SLC22A23: variants seen among roughly 807,000 people sequenced by gnomAD.
The protein encoded by SLC22A23 is solute carrier family 22 member 23.
SLC22A23 carries 26 observed loss-of-function variants against 61.0 expected under a neutral mutation model. That is an observed-to-expected ratio of 0.43 (90% CI 0.31 to 0.59). The LOEUF (loss-of-function observed/expected upper bound fraction) is 0.59, where lower values mean the gene tolerates loss of function less well. SLC22A23 is among the 20% of genes least tolerant of loss of function. The pLI, the probability that SLC22A23 is intolerant of heterozygous loss-of-function variation, is 0.11. For missense variants in SLC22A23, 796 were observed against 934.7 expected, an observed-to-expected ratio of 0.85 and a Z score of 1.94; for synonymous variants, 430 against 413.9, an observed-to-expected ratio of 1.04 and a Z score of -0.47.
intron 3 of SLC22A23, among the ~76,000 whole-genome samples, chr6:3,384,695 A>G (rs1334478454): frequency 6.6e-6 from 1 of 152,242 alleles, no homozygotes; most frequent in East Asian, 1.9e-4. Flanking sequence ...CCTCCAAAGA[A>G]CACAGTGATT....
chr6:3,402,568 T>A (rs545018767), intron 3 of SLC22A23, among the ~76,000 whole-genome samples: 22 of 148,032 alleles, frequency 1.5e-4, no homozygotes, highest in African/African-American at 5.6e-4. Context: ...TCATCCACAC[T>A]ACCCAGAGTG....
chr6:3,436,077 G>A (rs992994438), intron 1 of SLC22A23, among the ~76,000 whole-genome samples: 6 of 152,126 alleles, frequency 3.9e-5, no homozygotes, highest in African/African-American at 1.4e-4. Context: ...AGCCAGGGCA[G>A]AGGATGACCT....
intron 3 of SLC22A23, among the ~76,000 whole-genome samples, chr6:3,366,332 C>CAAAAAAAAAA (rs11387672): frequency 4.0e-4 from 30 of 74,156 alleles, no homozygotes; most frequent in African/African-American, 9.4e-4. Flanking sequence ...GACTCTGTCT[C>CAAAAAAAAAA]AAAAAAAAAA....
rs1157692865 is a variant in SLC22A23 at position 3,329,004 on chromosome 6, C to T, written c.914-5002G>A. Among the ~76,000 whole-genome samples the T allele has an allele frequency of 2.0e-5, 3 of 152,154 alleles. No individual in the cohort carries two copies. The highest frequency in any genetic ancestry group is 2.9e-5 in the Non-Finnish European group (2 of 68,028). On this transcript the variant is annotated intron_variant, in intron 3 of 9. Transcript: ENST00000406686. This position sits in a 1 kb window ranked among gnomAD's most constrained non-coding sequence, Gnocchi z 4.8. ...CAGGGCACTGCCAAGCTCAAGGGAC[C>T]GTCTGTCAAAACACTGCAGCACCCA... is the stretch of plus-strand genomic sequence containing the variant.
At chr6:3,416,158 G>A (rs1019428375) in intron 1 of SLC22A23, among the ~76,000 whole-genome samples, 1 of 152,260 alleles carries the variant, frequency 6.6e-6, no homozygotes, top group Non-Finnish European at 1.5e-5. Flanking sequence ...AACTGAGGCA[G>A]AGGTGGGCAG....
Position 3,448,276 on chromosome 6 carries a change from A to G in SLC22A23, c.654+7630T>C, listed in dbSNP as rs917067337. Among the ~76,000 whole-genome samples the G allele has an allele frequency of 6.6e-5, 10 of 152,020 alleles. No individual in the cohort carries two copies. In the East Asian group the frequency reaches 1.2e-3, roughly 18 times the overall value. On this transcript the variant is annotated intron_variant, in intron 1 of 9. Coordinates refer to ENST00000406686, the MANE Select transcript of SLC22A23 (RefSeq NM_015482.2). ...ATGTTTAACAACCGGCTCTATGAAG[A>G]AAAAAAACCCTGATCTCCACTGTTT...
At chr6:3,377,386 C>T (rs1766646196) in intron 3 of SLC22A23, among the ~76,000 whole-genome samples, 1 of 152,104 alleles carries the variant, frequency 6.6e-6, no homozygotes, top group Non-Finnish European at 1.5e-5. Context: ...AGAGGGAACA[C>T]TGGATGGAAA....
At chr6:3,435,056 G>T (rs1189012320) in intron 1 of SLC22A23, among the ~76,000 whole-genome samples, 3 of 152,154 alleles carry the variant, frequency 2.0e-5, no homozygotes, top group Non-Finnish European at 2.9e-5. Context: ...AAGGGTGCTG[G>T]AAGCGGCTGC....
chr6:3,356,733 A>G (rs567743112), intron 3 of SLC22A23, among the ~76,000 whole-genome samples: 2 of 152,316 alleles, frequency 1.3e-5, no homozygotes, highest in South Asian at 4.1e-4. Flanking sequence ...AACCTGCCCA[A>G]GATACCAACA....
Position 3,297,986 on chromosome 6 carries a change from T to C in SLC22A23, c.1210+105A>G, listed in dbSNP as rs988212447. The C allele has an allele frequency of 1.5e-6, 2 of 1,329,928 alleles. No homozygotes were observed. The highest frequency in any genetic ancestry group is 5.9e-5 in the Admixed American group (2 of 33,704). The allele number at this position is 1,329,928 out of a possible 1,614,324, so 82.4% of individuals were successfully genotyped here. On this transcript the variant is annotated intron_variant, in intron 5 of 9. Transcript: ENST00000406686. The surrounding 1 kb of genome is among the most constrained non-coding windows in gnomAD (Gnocchi z 4.3). Reference sequence around the variant, plus strand: ...GCAGGCCAAAAGGTCACAGGAGAATTGCACAGCTGGTTAAAACAGCTGTTT... The same window carrying C: ...GCAGGCCAAAAGGTCACAGGAGAATCGCACAGCTGGTTAAAACAGCTGTTT...
Position 3,414,142 on chromosome 6 carries a change from A to C in SLC22A23, c.758+1610T>G, listed in dbSNP as rs1299112906. On this transcript the variant is annotated intron_variant, in intron 2 of 9. Coordinates refer to ENST00000406686, the MANE Select transcript of SLC22A23 (RefSeq NM_015482.2). The surrounding 1 kb of genome is among the most constrained non-coding windows in gnomAD (Gnocchi z 5.1). ...CAGACTGGTTCATTCATAAAAGTCG[A>C]TTTTTACTTTTCTATTAAATTATTT... 2.0e-5 allele frequency among the ~76,000 whole-genome samples: 3 copies of C among 152,206 alleles called. No homozygotes were observed. Among genetic ancestry groups the C allele is most frequent in the Non-Finnish European group, 4.4e-5 (3 of 68,034 alleles).
intron 9 of SLC22A23, among the ~76,000 whole-genome samples, chr6:3,274,541 A>C (rs993036075): frequency 7.2e-5 from 11 of 152,220 alleles, no homozygotes; most frequent in African/African-American, 2.7e-4. Context: ...GTGGGCTGAA[A>C]GGGAGGTCCC....
intron 3 of SLC22A23, among the ~76,000 whole-genome samples, chr6:3,397,088 C>T (rs898165906): frequency 7.9e-5 from 12 of 152,180 alleles, no homozygotes; most frequent in Non-Finnish European, 1.6e-4. Flanking sequence ...ACAGCCTGTC[C>T]GCTTTATGCT....
chr6:3,392,035 G>A (rs1241993447), intron 3 of SLC22A23, among the ~76,000 whole-genome samples: 1 of 152,234 alleles, frequency 6.6e-6, no homozygotes, highest in Non-Finnish European at 1.5e-5. Flanking sequence ...GAAGCTGTTA[G>A]AGCGTGTGGC....
intron 2 of SLC22A23, among the ~76,000 whole-genome samples, chr6:3,412,122 T>C (rs1455357387): frequency 6.6e-6 from 1 of 151,352 alleles, no homozygotes; most frequent in East Asian, 1.9e-4. Flanking sequence ...TGCAATGTTG[T>C]AGTGCTCATT....
At chr6:3,323,061 T>TA (rs71538979) in intron 4 of SLC22A23, among the ~76,000 whole-genome samples, 22 of 151,578 alleles carry the variant, frequency 1.5e-4, no homozygotes, top group Admixed American at 5.9e-4. Context: ...GAGAGTTTTT[T>TA]AAAAAACCCA....
chr6:3,420,130 G>A (rs1273355538), intron 1 of SLC22A23, among the ~76,000 whole-genome samples: 1 of 151,854 alleles, frequency 6.6e-6, no homozygotes, highest in Non-Finnish European at 1.5e-5. Context: ...TCATGATGAT[G>A]CCATGTGACG....
At position 3,454,658 on chromosome 6, in the gene SLC22A23, G is replaced by A. The variant is rs1441659769; in HGVS notation, c.654+1248C>T. Among the ~76,000 whole-genome samples the A allele has an allele frequency of 6.6e-6, 1 of 152,168 alleles. No homozygotes were observed. Among genetic ancestry groups the A allele is most frequent in the African/African-American group, 2.4e-5 (1 of 41,428 alleles). On this transcript the variant is annotated intron_variant, in intron 1 of 9. Transcript: ENST00000406686. The surrounding 1 kb of genome is among the most constrained non-coding windows in gnomAD (Gnocchi z 4.3). ...GGGGTAGGAGGTGGGTGGGATCAAG[G>A]TGAACCCAGCTAGAAGGACCTTCCC...
At chr6:3,283,660 G>C in intron 9 of SLC22A23, 192 bp downstream of exon 9, 1 of 803,288 alleles carries the variant, frequency 1.2e-6, no homozygotes. Context: ...GGACCCCAGG[G>C]CCAGGTTCTC....
Sources: gnomAD v4.1 joint callset for allele counts (sites outside exome capture counted in the v4.1 genomes callset) on GRCh38, gnomAD v4.1.1 for gene constraint, Gnocchi (gnomAD v3.1) non-coding constraint, MANE v1.5 for transcripts, NCBI Gene and HGNC (gene_info 2026-07-23, HGNC 2026-07-21) for gene names.